The following CTNND2 variants were observed in gnomAD, a reference collection of about 807,000 sequenced individuals.
The protein encoded by CTNND2 is catenin delta-2.
In CTNND2, 22 loss-of-function variants were observed where a neutral mutation model predicts 144.4. That is an observed-to-expected ratio of 0.15 (90% CI 0.11 to 0.22). The LOEUF is 0.22. Ranked by LOEUF, CTNND2 falls within the 10% of genes least tolerant of loss-of-function variation. The pLI, the probability that CTNND2 is intolerant of heterozygous loss-of-function variation, is 1.00. For missense variants in CTNND2, 1,353 were observed against 1,618.8 expected (o/e 0.84, Z 2.82); for synonymous variants, 751 against 695.6 (o/e 1.08, Z -1.25).
intron 7 of CTNND2, among the ~76,000 whole-genome samples, chr5:11,382,891 G>A (rs1021447305): frequency 2.6e-5 from 4 of 152,000 alleles, no homozygotes; most frequent in African/African-American, 2.4e-5. Context: ...CAGAAGCATC[G>A]AGTTTGTCCC....
intron 3 of CTNND2, among the ~76,000 whole-genome samples, chr5:11,553,052 T>A (rs973769488): frequency 6.6e-6 from 1 of 152,212 alleles, no homozygotes; most frequent in Admixed American, 6.5e-5. Context: ...AATCTCTTCC[T>A]CTCTTGCTGT....
At chr5:11,143,125 T>C (rs1301802440) in intron 12 of CTNND2, among the ~76,000 whole-genome samples, 1 of 152,100 alleles carries the variant, frequency 6.6e-6, no homozygotes, top group Non-Finnish European at 1.5e-5. Flanking sequence ...AAGAACAATA[T>C]GTGTAAAGCA....
intron 1 of CTNND2, among the ~76,000 whole-genome samples, chr5:11,895,923 G>A (rs1421369115): frequency 6.6e-6 from 1 of 152,140 alleles, no homozygotes; most frequent in African/African-American, 2.4e-5. Flanking sequence ...TATGTAATTA[G>A]AAGTTTTATT....
chr5:11,626,281 C>T lies in CTNND2; in HGVS notation c.175-61225G>A, dbSNP rs1465767855. 2.0e-5 allele frequency among the ~76,000 whole-genome samples: 3 copies of T among 152,132 alleles called. No individual in the cohort carries two copies. In the East Asian group the frequency reaches 5.8e-4, roughly 29 times the overall value. On this transcript the variant is annotated intron_variant, in intron 2 of 21. Transcript: ENST00000304623. Reference sequence around the variant, plus strand: ...TTTTGCCTTCGACTCCATTTCATTGCATATGTAAGGCTGATTGCTTGTTGT... The same window carrying T: ...TTTTGCCTTCGACTCCATTTCATTGTATATGTAAGGCTGATTGCTTGTTGT...
rs1470526014 is a variant in CTNND2 at position 11,040,511 on chromosome 5, C to T, written c.2789-17532G>A. On this transcript the variant is annotated intron_variant, in intron 16 of 21. Transcript: ENST00000304623. ...GGAATTGTATGTTTCAGCACCTTGT[C>T]TCATCCAGGGGAATTCACTGAATTA... Among the ~76,000 whole-genome samples, 26 of 152,176 alleles carry T rather than the reference C, an allele frequency of 1.7e-4. 1 individual carries two copies.
rs568374938 is a variant in CTNND2 at position 11,216,530 on chromosome 5, T to C, written c.1762-16869A>G. On this transcript the variant is annotated intron_variant, in intron 10 of 21. Coordinates refer to ENST00000304623, the MANE Select transcript of CTNND2 (RefSeq NM_001332.4). ...AGGAATGCAAGAAGCCTCTAGAAGCTGGAAAATGAGAGAAAACAGACTTCA... is the reference window on the plus strand; with the variant it reads ...AGGAATGCAAGAAGCCTCTAGAAGCCGGAAAATGAGAGAAAACAGACTTCA... Among the ~76,000 whole-genome samples, 12 of 152,242 alleles carry C rather than the reference T, an allele frequency of 7.9e-5. No homozygotes were observed. The East Asian group carries it at 1.9e-3, about 25-fold the overall frequency.
chr5:11,683,746 T>A (rs1272651769), intron 2 of CTNND2, among the ~76,000 whole-genome samples: 1 of 151,832 alleles, frequency 6.6e-6, no homozygotes, highest in African/African-American at 2.4e-5. Flanking sequence ...CTTGGAATCA[T>A]ATAAACAAGA....
chr5:11,674,909 G>A (rs149673705), intron 2 of CTNND2, among the ~76,000 whole-genome samples: 1,684 of 152,170 alleles, frequency 0.011, 31 homozygotes, highest in African/African-American at 0.039. Context: ...CATTTTTTAA[G>A]TAGAGACAGG....
chr5:11,254,138 C>T (rs1360119827), intron 9 of CTNND2, among the ~76,000 whole-genome samples: 1 of 152,182 alleles, frequency 6.6e-6, no homozygotes, highest in Non-Finnish European at 1.5e-5. Context: ...AATTTTAACA[C>T]ACTCAGTTTA....
chr5:11,282,759 G>A (rs547861811), intron 9 of CTNND2, among the ~76,000 whole-genome samples: 3 of 152,326 alleles, frequency 2.0e-5, no homozygotes, highest in East Asian at 1.9e-4. Flanking sequence ...TAAGCCATGA[G>A]TAAGTGCAAT....
chr5:11,788,933 G>T (rs1032977770), intron 1 of CTNND2, among the ~76,000 whole-genome samples: 3 of 151,182 alleles, frequency 2.0e-5, no homozygotes, highest in African/African-American at 4.9e-5. Context: ...GCAGTGTTTG[G>T]TTTTTTGTCC....
At chr5:11,437,006 A>C (rs1350093333) in intron 3 of CTNND2, among the ~76,000 whole-genome samples, 3 of 152,200 alleles carry the variant, frequency 2.0e-5, no homozygotes, top group Non-Finnish European at 4.4e-5. Context: ...AAATAAACTC[A>C]CTAGTTTCTC....
At chr5:11,263,834 G>A (rs1745165646) in intron 9 of CTNND2, among the ~76,000 whole-genome samples, 1 of 152,150 alleles carries the variant, frequency 6.6e-6, no homozygotes, top group African/African-American at 2.4e-5. Flanking sequence ...TCCAGTTTGT[G>A]CATGTGTCTG....
intron 1 of CTNND2, among the ~76,000 whole-genome samples, chr5:11,787,035 G>A (rs377697120): frequency 6.6e-6 from 1 of 152,250 alleles, no homozygotes; most frequent in African/African-American, 2.4e-5. Flanking sequence ...ACCTGGAGTC[G>A]GCAGTATGTT....
intron 3 of CTNND2, among the ~76,000 whole-genome samples, chr5:11,543,376 C>A (rs749785455): frequency 5.3e-5 from 8 of 152,226 alleles, no homozygotes; most frequent in Non-Finnish European, 1.2e-4. Flanking sequence ...GACATTCCTT[C>A]TGACTACATA....
Position 11,006,064 on chromosome 5 carries a change from A to C in CTNND2, c.3084+11910T>G, listed in dbSNP as rs190234033. ...AGGTTCTATTAAAAAAAACAACAACAAAAAAACCATGGGAGCAGATGAGAT... is the reference window on the plus strand; with the variant it reads ...AGGTTCTATTAAAAAAAACAACAACCAAAAAACCATGGGAGCAGATGAGAT... On this transcript the variant is annotated intron_variant, in intron 18 of 21. Transcript: ENST00000304623. 1.6e-4 allele frequency among the ~76,000 whole-genome samples: 24 copies of C among 152,210 alleles called. No individual in the cohort carries two copies. In the East Asian group the frequency reaches 4.6e-3, roughly 29 times the overall value.
intron 12 of CTNND2, 90 bp downstream of exon 12, chr5:11,159,486 C>A: frequency 9.4e-7 from 1 of 1,066,126 alleles, no homozygotes; most frequent in Admixed American, 2.5e-5. Context: ...TGGTCTGATC[C>A]TCAGTAAAAG....
intron 1 of CTNND2, among the ~76,000 whole-genome samples, chr5:11,762,380 C>A (rs1318858819): frequency 6.6e-6 from 1 of 152,134 alleles, no homozygotes; most frequent in Non-Finnish European, 1.5e-5. Flanking sequence ...TAGATCTATA[C>A]TGTAATGTCT....
intron 3 of CTNND2, among the ~76,000 whole-genome samples, chr5:11,437,211 T>G (rs1763851558): frequency 6.6e-6 from 1 of 152,212 alleles, no homozygotes; most frequent in Admixed American, 6.5e-5. Context: ...AAACCCTGCA[T>G]ATTCATGACA....
Sources: gnomAD v4.1 joint callset for allele counts (sites outside exome capture counted in the v4.1 genomes callset) on GRCh38, gnomAD v4.1.1 for gene constraint, MANE v1.5 for transcripts, NCBI Gene and HGNC (gene_info 2026-07-23, HGNC 2026-07-21) for gene names.